The following PRKCE variants were observed in gnomAD, a reference collection of about 807,000 sequenced individuals.
PRKCE encodes the protein protein kinase C epsilon.
A neutral mutation model predicts 85.4 loss-of-function variants in PRKCE; 16 were observed. That is an observed-to-expected ratio of 0.19 (90% CI 0.13 to 0.28). PRKCE has a LOEUF of 0.28. PRKCE is among the 10% of genes least tolerant of loss of function. PRKCE has a pLI of 1.00. For synonymous variants in PRKCE, 388 were observed against 371.5 expected, an observed-to-expected ratio of 1.04 and a Z score of -0.51; for missense variants, 573 against 975.2, an observed-to-expected ratio of 0.59 and a Z score of 5.49.
chr2:46,061,130 A>T, intron 10 of PRKCE, among the ~76,000 whole-genome samples: 1 of 100,156 alleles, frequency 1.0e-5, no homozygotes, highest in East Asian at 2.9e-4. Context: ...TTTTTTTGAG[A>T]CAGGGTCTTA....
chr2:45,771,978 G>A (rs990143132), intron 1 of PRKCE, among the ~76,000 whole-genome samples: 34 of 152,202 alleles, frequency 2.2e-4, no homozygotes, highest in Admixed American at 1.8e-3. Flanking sequence ...ACACACTGCC[G>A]ACCATGGGAG....
chr2:45,861,250 TC>T (rs1264428182), intron 2 of PRKCE, among the ~76,000 whole-genome samples: 1 of 152,180 alleles, frequency 6.6e-6, no homozygotes, highest in Admixed American at 6.5e-5. Flanking sequence ...GGTTCTAACC[TC>T]CACAGGCAAT....
chr2:45,690,190 T>A (rs1319948848), intron 1 of PRKCE, among the ~76,000 whole-genome samples: 1 of 152,258 alleles, frequency 6.6e-6, no homozygotes, highest in Non-Finnish European at 1.5e-5. Flanking sequence ...TGAACTAGAA[T>A]CTTGGTAAAT....
rs1433969896 is a variant in PRKCE at position 46,010,440 on chromosome 2, A to G, written c.1360A>G (p.Met454Val). 5.0e-6 allele frequency: 8 copies of G among 1,599,602 alleles called. No homozygotes were observed. The highest frequency in any genetic ancestry group is 6.8e-6 in the Non-Finnish European group (8 of 1,179,958). The change falls in exon 10 of 15, where the codon ATG becomes GTG. Residue 454 changes from methionine (M) to valine (V), a missense_variant. By Grantham distance (21) the Met-to-Val change is conservative. Coordinates refer to ENST00000306156, the MANE Select transcript of PRKCE (RefSeq NM_005400.3). ...ILQDDDVDCT[M>V]TEKRILALAR... The stretch of plus-strand genomic sequence containing the variant: ...TCAGGATGATGACGTGGACTGCACA[A>G]TGACAGAGAAGAGGATTTTGGCTCT...
At chr2:46,117,151 T>C (rs776406960) in intron 11 of PRKCE, among the ~76,000 whole-genome samples, 1 of 152,204 alleles carries the variant, frequency 6.6e-6, no homozygotes, top group Non-Finnish European at 1.5e-5. Flanking sequence ...GGGTGGGAGT[T>C]TCTGTCCTTT....
chr2:45,921,754 AC>A (rs1698267012), intron 2 of PRKCE, among the ~76,000 whole-genome samples: 2 of 152,022 alleles, frequency 1.3e-5, no homozygotes, highest in Non-Finnish European at 2.9e-5. Flanking sequence ...CTTCTGCGAG[AC>A]CTTTGAGGGG....
intron 2 of PRKCE, among the ~76,000 whole-genome samples, chr2:45,941,714 T>G (rs1699889791): frequency 6.6e-6 from 1 of 152,094 alleles, no homozygotes; most frequent in Admixed American, 6.5e-5. Flanking sequence ...ACTGAGCAAT[T>G]CAAGCATGCA....
intron 2 of PRKCE, among the ~76,000 whole-genome samples, chr2:45,954,422 A>G (rs1041809633): frequency 6.6e-6 from 1 of 152,348 alleles, no homozygotes; most frequent in African/African-American, 2.4e-5. Context: ...AGCAAAGAAC[A>G]TGTAAGGAAA....
At chr2:45,916,205 C>G (rs923436584) in intron 2 of PRKCE, among the ~76,000 whole-genome samples, 9 of 151,412 alleles carry the variant, frequency 5.9e-5, no homozygotes, top group African/African-American at 2.2e-4. Context: ...GGAGAGAGAA[C>G]TAGTTCTTCT....
intron 1 of PRKCE, among the ~76,000 whole-genome samples, chr2:45,741,461 T>C (rs1682562327): frequency 8.2e-6 from 1 of 122,562 alleles, no homozygotes; most frequent in African/African-American, 2.8e-5. Context: ...CTGGGGCCAG[T>C]AGCACCAGAA....
intron 2 of PRKCE, among the ~76,000 whole-genome samples, chr2:45,880,959 C>T (rs1008281518): frequency 1.2e-4 from 19 of 152,046 alleles, no homozygotes; most frequent in Non-Finnish European, 2.2e-4. Flanking sequence ...CGAGACCATC[C>T]GGGCTAAAAC....
chr2:46,157,788 A>C (rs1677361794), intron 13 of PRKCE, among the ~76,000 whole-genome samples: 1 of 152,206 alleles, frequency 6.6e-6, no homozygotes, highest in African/African-American at 2.4e-5. Context: ...GAAGTGAGGA[A>C]TCTACTACAC....
At chr2:45,933,652 GT>G (rs1357324508) in intron 2 of PRKCE, among the ~76,000 whole-genome samples, 1 of 151,394 alleles carries the variant, frequency 6.6e-6, no homozygotes, top group Non-Finnish European at 1.5e-5. Context: ...TTTTTTTTGT[GT>G]TTTTAGTGGA....
intron 2 of PRKCE, among the ~76,000 whole-genome samples, chr2:45,909,630 G>A (rs1397362836): frequency 2.6e-5 from 4 of 152,250 alleles, no homozygotes; most frequent in Non-Finnish European, 5.9e-5. Flanking sequence ...GCTAGCAAGT[G>A]TGTTCTAAAT....
intron 1 of PRKCE, among the ~76,000 whole-genome samples, chr2:45,836,517 C>G (rs902233045): frequency 6.6e-6 from 1 of 152,210 alleles, no homozygotes; most frequent in East Asian, 1.9e-4. Context: ...AAATGCAGAG[C>G]TGGGAGGACA....
intron 2 of PRKCE, among the ~76,000 whole-genome samples, chr2:45,858,203 G>A (rs938332980): frequency 9.9e-5 from 15 of 152,166 alleles, no homozygotes; most frequent in African/African-American, 3.4e-4. Flanking sequence ...CCTTCTAGCC[G>A]CGACACTACC....
At chr2:45,835,354 C>G (rs1228547303) in intron 1 of PRKCE, among the ~76,000 whole-genome samples, 1 of 152,164 alleles carries the variant, frequency 6.6e-6, no homozygotes, top group African/African-American at 2.4e-5. Flanking sequence ...TGTCTACATT[C>G]ATGGAGCAGC....
chr2:45,825,040 T>G (rs6734178), intron 1 of PRKCE, among the ~76,000 whole-genome samples: 65,719 of 152,010 alleles, frequency 0.43, 14,530 homozygotes, highest in Middle Eastern at 0.54. Flanking sequence ...GAAATGAGAC[T>G]GCCTTTTTGT....
At position 45,652,808 on chromosome 2, in the gene PRKCE, G is replaced by A. The variant is rs1675188099; in HGVS notation, c.348+360G>A. Among the ~76,000 whole-genome samples, 1 of 152,206 alleles carries A rather than the reference G, an allele frequency of 6.6e-6. No individual in the cohort carries two copies. The highest frequency in any genetic ancestry group is 2.1e-4 in the South Asian group (1 of 4,830). The stretch of plus-strand genomic sequence containing the variant: ...GGGCTGGCTGTGTGTGATTGTGTGT[G>A]GGTGGGTCCCTCCGTCCTTGGAAAG... On this transcript the variant is annotated intron_variant, in intron 1 of 14. Coordinates refer to ENST00000306156, the MANE Select transcript of PRKCE (RefSeq NM_005400.3). This position sits in a 1 kb window ranked among gnomAD's most constrained non-coding sequence, Gnocchi z 7.7.
Sources: allele counts gnomAD v4.1 joint callset (sites outside exome capture counted in the v4.1 genomes callset), GRCh38; gene constraint gnomAD v4.1.1; non-coding constraint Gnocchi (gnomAD v3.1); transcripts MANE v1.5; gene names NCBI Gene and HGNC (gene_info 2026-07-23, HGNC 2026-07-21).